The following DEPDC1B variants were observed in gnomAD, a reference collection of about 807,000 sequenced individuals.
DEPDC1B encodes the protein DEP domain-containing protein 1B.
In DEPDC1B, 51 loss-of-function variants were observed where a neutral mutation model predicts 66.5. That is an observed-to-expected ratio of 0.77 (90% CI 0.61 to 0.97). The LOEUF (loss-of-function observed/expected upper bound fraction) is 0.97. Ranked by LOEUF, DEPDC1B falls within the 50% of genes least tolerant of loss-of-function variation. DEPDC1B has a pLI of 0.00. For missense variants in DEPDC1B, 552 were observed against 637.1 expected, an observed-to-expected ratio of 0.87 and a Z score of 1.44; for synonymous variants, 226 against 223.6, an observed-to-expected ratio of 1.01 and a Z score of -0.10.
At chr5:60,674,594 C>T (rs1017226139) in intron 2 of DEPDC1B, among the ~76,000 whole-genome samples, 6 of 152,154 alleles carry the variant, frequency 3.9e-5, no homozygotes, top group African/African-American at 1.4e-4. Flanking sequence ...TGCTACAGAT[C>T]AATATGATCT....
At chr5:60,668,806 C>A (rs1434435339) in intron 2 of DEPDC1B, among the ~76,000 whole-genome samples, 1 of 152,152 alleles carries the variant, frequency 6.6e-6, no homozygotes, top group African/African-American at 2.4e-5. Context: ...TTTTCTGCTA[C>A]TGAAATAAAA....
chr5:60,617,793 A>G (rs996356431), intron 7 of DEPDC1B, among the ~76,000 whole-genome samples: 3 of 152,234 alleles, frequency 2.0e-5, no homozygotes, highest in Non-Finnish European at 4.4e-5. Context: ...TGGACCTAAT[A>G]GACATCTACA....
intron 7 of DEPDC1B, among the ~76,000 whole-genome samples, chr5:60,609,358 A>G (rs994295475): frequency 2.6e-5 from 4 of 151,938 alleles, no homozygotes; most frequent in African/African-American, 9.7e-5. Context: ...CAACCTTCCT[A>G]TTTCCTGTGA....
chr5:60,662,086 G>A (rs1223729743), intron 2 of DEPDC1B, among the ~76,000 whole-genome samples: 1 of 151,704 alleles, frequency 6.6e-6, no homozygotes, highest in Non-Finnish European at 1.5e-5. Flanking sequence ...GTCAGCTGCA[G>A]ACATTAAAAA....
rs1275423670 is a variant in DEPDC1B at position 60,599,249 on chromosome 5, T to C, written c.1254A>G (p.Pro418=). ...AHLRRVQIKY[P]GADMDITLSA... The stretch of plus-strand genomic sequence containing the variant: ...ATAAAGTGATATCCATATCAGCTCC[T>C]GGGTATTTTATCTGAGGCAAAAGGA... Residue 418 remains proline, a synonymous_variant, in exon 10 of 11, where the codon CCA becomes CCG. Transcript: ENST00000265036. The C allele has an allele frequency of 2.5e-6, 4 of 1,596,486 alleles. No homozygotes were observed. The African/African-American group carries it at 5.4e-5, about 22-fold the overall frequency.
At chr5:60,653,910 GC>G (rs1753516675) in intron 2 of DEPDC1B, among the ~76,000 whole-genome samples, 1 of 148,894 alleles carries the variant, frequency 6.7e-6, no homozygotes, top group South Asian at 2.2e-4. Flanking sequence ...AGATCAGTTG[GC>G]TGTAAGTATT....
In DEPDC1B at chr5:60,699,289, A is replaced by C. The variant is rs77109060; in HGVS notation, c.48+757T>G. Among the ~76,000 whole-genome samples the C allele has an allele frequency of 2.0e-3, 214 of 109,028 alleles. 3 individuals are homozygous for C. Among genetic ancestry groups the C allele is most frequent in the Admixed American group, 0.016 (158 of 9,870 alleles). The allele number at this position is 109,028 out of a possible 152,430, so 71.5% of individuals were successfully genotyped here. A position where few individuals can be genotyped will look rare whatever the true frequency, so the allele number is the denominator to read the frequency against. On this transcript the variant is annotated intron_variant, in intron 1 of 10. Transcript: ENST00000265036. ...GTTAAATGTGGCCAGAGAGGTCGGC[A>C]GACCAAGGAGCAAGTTACTGTCCTC...
At chr5:60,649,669 A>G (rs1029374725) in intron 2 of DEPDC1B, among the ~76,000 whole-genome samples, 6 of 152,322 alleles carry the variant, frequency 3.9e-5, no homozygotes, top group Non-Finnish European at 2.9e-5. Context: ...AAGCCTCACA[A>G]CTGGCCAAGA....
chr5:60,621,752 G>C (rs761500875), intron 7 of DEPDC1B, among the ~76,000 whole-genome samples: 1 of 152,094 alleles, frequency 6.6e-6, no homozygotes, highest in Non-Finnish European at 1.5e-5. Context: ...ATGCATTAAA[G>C]AACAGTTTTT....
chr5:60,687,210 C>T lies in DEPDC1B; in HGVS notation c.66G>A (p.Glu22=), dbSNP rs780328482. ...GTAACGGCATCTTAGCACGAAAAAG[C>T]TCCACGGTCTCATTCCACTAGGGGA... The part of the protein sequence containing the change: ...RATRLWNETV[E]LFRAKMPLRK... The change falls in exon 2 of 11, where the codon GAG becomes GAA. Residue 22 remains glutamate (E), a synonymous_variant. Coordinates refer to ENST00000265036, the MANE Select transcript of DEPDC1B (RefSeq NM_018369.3). 14 of 1,610,682 alleles carry T rather than the reference C, an allele frequency of 8.7e-6. No homozygotes were observed. Among genetic ancestry groups the T allele is most frequent in the South Asian group, 1.1e-5 (1 of 91,054 alleles).
intron 2 of DEPDC1B, among the ~76,000 whole-genome samples, chr5:60,668,061 TTATATATATATAAAATGGATATTTTA>T (rs1561384710): frequency 9.6e-4 from 39 of 40,750 alleles, no homozygotes; most frequent in South Asian, 2.8e-3. Flanking sequence ...AATGGATATT[TTATATATATATAAAATGGATATTTTA>T]TATATATATA....
intron 7 of DEPDC1B, chr5:60,628,837 A>C (rs1752858451): frequency 6.6e-6 from 1 of 152,222 alleles, no homozygotes; most frequent in South Asian, 2.1e-4. Context: ...TATTTTATAT[A>C]CAGATATAAA....
At chr5:60,618,719 G>A (rs753569489) in intron 7 of DEPDC1B, among the ~76,000 whole-genome samples, 6 of 152,194 alleles carry the variant, frequency 3.9e-5, no homozygotes, top group Non-Finnish European at 8.8e-5. Context: ...ACAAGGAGGA[G>A]CTGGTACCAT....
In DEPDC1B at chr5:60,647,624, T is replaced by G. The variant is rs1339049174; in HGVS notation, c.315-91A>C. The G allele has an allele frequency of 1.4e-5, 20 of 1,399,888 alleles. No individual in the cohort carries two copies. The African/African-American group carries it at 1.5e-4, about 10-fold the overall frequency. The allele number at this position is 1,399,888 out of a possible 1,614,324, so 86.7% of individuals were successfully genotyped here. ...TCTCCACTTTGGTGTATCTGAAAAT[T>G]TATACAATAATTTGTACAATATTTA... On this transcript the variant is annotated intron_variant, in intron 2 of 10. Coordinates refer to ENST00000265036, the MANE Select transcript of DEPDC1B (RefSeq NM_018369.3).
chr5:60,652,733 A>G lies in DEPDC1B; in HGVS notation c.315-5200T>C, dbSNP rs1036305421. On this transcript the variant is annotated intron_variant, in intron 2 of 10. Coordinates refer to ENST00000265036, the MANE Select transcript of DEPDC1B (RefSeq NM_018369.3). ...GAGCAGTGTATACTGTAACCAATGT[A>G]TAGTCTTTTATCCCTCATCACCCTC... 1.7e-4 allele frequency among the ~76,000 whole-genome samples: 26 copies of G among 148,946 alleles called. 1 individual carries two copies. Among genetic ancestry groups the G allele is most frequent in the African/African-American group, 7.6e-5 (3 of 39,454 alleles).
chr5:60,674,865 A>G (rs895810070), intron 2 of DEPDC1B, among the ~76,000 whole-genome samples: 1 of 152,166 alleles, frequency 6.6e-6, no homozygotes. Flanking sequence ...GGGGTGGCGG[A>G]TAAGACAAAG....
At chr5:60,599,287 G>T in intron 9 of DEPDC1B, 27 bp from the exon 10 acceptor site, 7 of 1,512,060 alleles carry the variant, frequency 4.6e-6, no homozygotes, top group Non-Finnish European at 4.4e-6. Flanking sequence ...AGTAGTGAAA[G>T]AATATAGCAT....
rs761008622 is a variant in DEPDC1B at position 60,599,116 on chromosome 5, C to T, written c.1387G>A (p.Ala463Thr). The change falls in exon 10 of 11, where the codon GCC (alanine) becomes ACC (threonine). Residue 463 changes from alanine (A) to threonine (T), a missense_variant. Transcript: ENST00000265036. ...TTTTTCTCTTTGTTGGAGAGTTTGGCATCTGTTATGACTTCCTCCAACAAG... is the reference window on the plus strand; with the variant it reads ...TTTTTCTCTTTGTTGGAGAGTTTGGTATCTGTTATGACTTCCTCCAACAAG... ...AALLEEVITD[A>T]KLSNKEKKKK... The T allele has an allele frequency of 3.1e-6, 5 of 1,607,458 alleles. No homozygotes were observed. Among genetic ancestry groups the T allele is most frequent in the Non-Finnish European group, 4.2e-6 (5 of 1,177,716 alleles).
chr5:60,647,663 T>C, intron 2 of DEPDC1B, 130 bp from the exon 3 acceptor site: 1 of 1,034,788 alleles, frequency 9.7e-7, no homozygotes, highest in Non-Finnish European at 1.3e-6. Flanking sequence ...AATAATTACA[T>C]AAATTTTAAT....
Sources: gnomAD v4.1 joint callset for allele counts (sites outside exome capture counted in the v4.1 genomes callset) on GRCh38, gnomAD v4.1.1 for gene constraint, MANE v1.5 for transcripts, NCBI Gene and HGNC (gene_info 2026-07-23, HGNC 2026-07-21) for gene names.